Variants in CORO1B observed in about 807,000 individuals in gnomAD.
The protein encoded by CORO1B is coronin-1B.
Under a neutral mutation model 51.1 loss-of-function variants are expected in CORO1B, and 30 were observed. The ratio of observed to expected loss-of-function variants is 0.59; its 90% confidence interval spans 0.44 to 0.80. The LOEUF (loss-of-function observed/expected upper bound fraction) is 0.80, where lower values mean the gene tolerates loss of function less well. Among genes scored for constraint, CORO1B ranks in the 30% least tolerant of loss-of-function variants. CORO1B has a pLI of 0.00. For synonymous variants in CORO1B, 310 were observed against 289.7 expected, an observed-to-expected ratio of 1.07 and a Z score of -0.71; for missense variants, 648 against 700.4, an observed-to-expected ratio of 0.93 and a Z score of 0.84.
At position 67,435,558 on chromosome 11, in the gene CORO1B, T is replaced by TG. The variant is rs141116917; in HGVS notation, c.*2817dup. On this transcript the variant is annotated 3_prime_UTR_variant, in exon 11 of 11. Transcript: ENST00000341356. ...CAAATGGTTGCCTGATGCCTGTGGT[T>TG]GGGGGGGGCCGTTCCCGTGGTGAGC... The TG allele has an allele frequency of 2.9e-3, 2,715 of 931,412 alleles. 41 individuals carry two copies. In the African/African-American group the frequency reaches 0.036, roughly 12 times the overall value. The allele number at this position is 931,412 out of a possible 1,614,324, so 57.7% of individuals were successfully genotyped here.
Position 67,437,269 on chromosome 11 carries a change from G to A in CORO1B, c.*1107C>T, listed in dbSNP as rs971378335. The stretch of plus-strand genomic sequence containing the variant: ...TCTGCGGTCGGAACAGGCTAGGTGG[G>A]GGGTGTCGGGGGAGGGGTGCTGAGG... On this transcript the variant is annotated 3_prime_UTR_variant, in exon 11 of 11. Transcript: ENST00000341356. The A allele has an allele frequency of 1.9e-5, 5 of 259,568 alleles. No homozygotes were observed. Among genetic ancestry groups the A allele is most frequent in the Admixed American group, 5.4e-5 (1 of 18,424 alleles). 16.1% of individuals were successfully genotyped at this position (259,568 alleles called of 1,614,324 possible). A position where few individuals can be genotyped will look rare whatever the true frequency, so the allele number is the denominator to read the frequency against.
upstream of CORO1B, chr11:67,443,603 C>G (rs1389659557): frequency 1.4e-6 from 1 of 691,208 alleles, no homozygotes; most frequent in African/African-American, 1.9e-5. Flanking sequence ...GGGCCGGGAG[C>G]GGGGCCGCCG....
chr11:67,443,761 C>T (rs979315029), upstream of CORO1B: 30 of 985,160 alleles, frequency 3.0e-5, no homozygotes, highest in South Asian at 1.9e-4. Flanking sequence ...ACAGCGGACC[C>T]GAGGCCCCTT....
chr11:67,441,894 C>T (rs770355835), intron 3 of CORO1B, 32 bp from the exon 4 acceptor site: 2 of 1,613,186 alleles, frequency 1.2e-6, no homozygotes, highest in East Asian at 2.2e-5. Flanking sequence ...CGAGCTCAGT[C>T]CTCTGCTGGT....
Position 67,435,877 on chromosome 11 carries a change from C to G in CORO1B, c.*2499G>C. 1 of 1,611,530 alleles carries G rather than the reference C, an allele frequency of 6.2e-7. No individual in the cohort carries two copies. Among genetic ancestry groups the G allele is most frequent in the Non-Finnish European group, 8.5e-7 (1 of 1,179,522 alleles). On this transcript the variant is annotated 3_prime_UTR_variant, in exon 11 of 11. Coordinates refer to ENST00000341356, the MANE Select transcript of CORO1B (RefSeq NM_020441.3). ...TCGCTGGTCCTGGGGAGCCGAGGAC[C>G]AGGTCGCCCTCCGTGTCACTGTCTC...
chr11:67,443,685 G>A (rs915437595), upstream of CORO1B: 16 of 971,276 alleles, frequency 1.6e-5, 1 homozygote, highest in East Asian at 3.4e-4. Context: ...TCCGGAAGAA[G>A]GGGGCGGGGC....
At chr11:67,441,619 T>C in intron 4 of CORO1B, 105 bp from the exon 5 acceptor site, 1 of 1,497,220 alleles carries the variant, frequency 6.7e-7, no homozygotes, top group Non-Finnish European at 9.0e-7. Flanking sequence ...GACGGGTCTC[T>C]CCAACTCTGA....
rs772411031 is a variant in CORO1B at position 67,436,062 on chromosome 11, C to G, written c.*2314G>C. Reference sequence around the variant, plus strand: ...CGCTCAAGGTCATTGTCTGTGGACCCCAGCTCAGCTCGGGCCTGCAGCCAG... The same window carrying G: ...CGCTCAAGGTCATTGTCTGTGGACCGCAGCTCAGCTCGGGCCTGCAGCCAG... On this transcript the variant is annotated 3_prime_UTR_variant, in exon 11 of 11. Transcript: ENST00000341356. 1 of 1,613,246 alleles carries G rather than the reference C, an allele frequency of 6.2e-7. No individual in the cohort carries two copies.
intron 9 of CORO1B, among the ~76,000 whole-genome samples, chr11:67,439,231 A>C (rs1297595035): frequency 6.6e-6 from 1 of 152,200 alleles, no homozygotes; most frequent in African/African-American, 2.4e-5. Flanking sequence ...GAGCTCCTGG[A>C]GCAGGCCCTA....
At position 67,438,773 on chromosome 11, in the gene CORO1B, G is replaced by C; in HGVS notation, c.1242C>G (p.Asp414Glu). The stretch of plus-strand genomic sequence containing the variant: ...AGCCCGGGGCCATGGCGGGCCGGCT[G>C]TCAGACAACACGTTGCGCCGGCTGA... ...LKISRRNVLSDSRPAMAPGSS... is the reference protein window; with the variant it reads ...LKISRRNVLSESRPAMAPGSS... Residue 414 changes from aspartate to glutamate, a missense_variant, in exon 10 of 11, where the codon GAC becomes GAG. By Grantham distance (45) the Asp-to-Glu change is conservative. Coordinates refer to ENST00000341356, the MANE Select transcript of CORO1B (RefSeq NM_020441.3). The C allele has an allele frequency of 6.3e-7, 1 of 1,585,276 alleles. No homozygotes were observed.
intron 6 of CORO1B, chr11:67,440,900 A>G (rs1864380368): frequency 3.0e-6 from 2 of 676,184 alleles, no homozygotes; most frequent in Non-Finnish European, 5.2e-6. Context: ...TGGCATGAAC[A>G]ACATGGGCAA....
chr11:67,440,057 A>G lies in CORO1B; in HGVS notation c.1007+61T>C, dbSNP rs1864364901. 5.2e-6 allele frequency: 8 copies of G among 1,553,328 alleles called. No homozygotes were observed. The South Asian group carries it at 6.0e-5, about 12-fold the overall frequency. ...GGTTTCCTGCTCCCAAGCAGCCTCC[A>G]ATGACCTGACCTCTCACCTTAGATG... On this transcript the variant is annotated intron_variant, in intron 8 of 10. Transcript: ENST00000341356.
rs754115790 is a variant in CORO1B, at chr11:67,441,853, T to C, written c.334A>G (p.Ile112Val). Residue 112 changes from isoleucine (I) to valine (V), a missense_variant, in exon 4 of 11, where the codon ATC becomes GTC. Ile to Val is a conservative substitution (Grantham distance 29, BLOSUM62 3). Transcript: ENST00000341356. Reference sequence around the variant, plus strand: ...GGGGAGGTCAGCCCGTTCTCTGGGATCTGCCACACCTGTGGTAGGGACAGG... The same window carrying C: ...GGGGAGGTCAGCCCGTTCTCTGGGACCTGCCACACCTGTGGTAGGGACAGG... ...SEDCTVMVWQ[I>V]PENGLTSPLT... is the part of the protein sequence containing the mutation. The C allele has an allele frequency of 2.5e-6, 4 of 1,613,058 alleles. No homozygotes were observed. The highest frequency in any genetic ancestry group is 3.4e-6 in the Non-Finnish European group (4 of 1,179,982).
At chr11:67,443,602 G>A (rs906104550), upstream of CORO1B, 18 of 704,742 alleles carry the variant, frequency 2.6e-5, no homozygotes, top group Non-Finnish European at 3.1e-5. Context: ...GGGGCCGGGA[G>A]CGGGGCCGCC....
In CORO1B at chr11:67,436,457, C is replaced by T. The variant is rs1162385637; in HGVS notation, c.*1919G>A. ...CTTTCGTTTTTTTCTCTTTGGGATC[C>T]TCTTGGGACAGCCAAGCAGAAAAGG... On this transcript the variant is annotated 3_prime_UTR_variant, in exon 11 of 11. Coordinates refer to ENST00000341356, the MANE Select transcript of CORO1B (RefSeq NM_020441.3). The T allele has an allele frequency of 3.9e-6, 5 of 1,293,018 alleles. No homozygotes were observed. The African/African-American group carries it at 7.6e-5, about 20-fold the overall frequency. The allele number at this position is 1,293,018 out of a possible 1,614,324, so 80.1% of individuals were successfully genotyped here. A position where few individuals can be genotyped will look rare whatever the true frequency, so the allele number is the denominator to read the frequency against.
intron 2 of CORO1B, 118 bp from the exon 3 acceptor site, chr11:67,442,206 G>T: frequency 6.7e-7 from 1 of 1,502,862 alleles, no homozygotes. Flanking sequence ...ATGTGACTGT[G>T]CCCCACTTGC....
Position 67,436,480 on chromosome 11 carries a change from A to C in CORO1B, c.*1896T>G. ...TCCTCTTGGGACAGCCAAGCAGAAA[A>C]GGCCAAGGCCTTATTTGGTCAACCA... On this transcript the variant is annotated 3_prime_UTR_variant, in exon 11 of 11. Transcript: ENST00000341356. 9.2e-7 allele frequency: 1 copy of C among 1,090,534 alleles called. No homozygotes were observed. Among genetic ancestry groups the C allele is most frequent in the Non-Finnish European group, 1.2e-6 (1 of 802,286 alleles). 67.6% of individuals were successfully genotyped at this position (1,090,534 alleles called of 1,614,324 possible). A position where few individuals can be genotyped will look rare whatever the true frequency, so the allele number is the denominator to read the frequency against.
Position 67,436,767 on chromosome 11 carries a change from A to G in CORO1B, c.*1609T>C, listed in dbSNP as rs565519608. On this transcript the variant is annotated 3_prime_UTR_variant, in exon 11 of 11. Transcript: ENST00000341356. The stretch of plus-strand genomic sequence containing the variant: ...ACTGCAGCCCACCCCAGCACCCCCC[A>G]GCACTCAGTGCCTTTTTCCTTCCAT... 2 of 182,522 alleles carry G rather than the reference A, an allele frequency of 1.1e-5. No homozygotes were observed. The highest frequency in any genetic ancestry group is 4.7e-5 in the African/African-American group (2 of 42,576). The allele number at this position is 182,522 out of a possible 1,614,324, so 11.3% of individuals were successfully genotyped here. A position where few individuals can be genotyped will look rare whatever the true frequency, so the allele number is the denominator to read the frequency against.
At chr11:67,442,134 C>G (rs748057679) in intron 2 of CORO1B, 46 bp from the exon 3 acceptor site, 3 of 1,593,346 alleles carry the variant, frequency 1.9e-6, no homozygotes, top group Non-Finnish European at 2.6e-6. Flanking sequence ...CCTCCCGAAG[C>G]CTTGGTCTTC....
Sources: allele counts gnomAD v4.1 joint callset (sites outside exome capture counted in the v4.1 genomes callset), GRCh38; gene constraint gnomAD v4.1.1; transcripts MANE v1.5; gene names NCBI Gene and HGNC (gene_info 2026-07-23, HGNC 2026-07-21).